CTNNBL1: variants seen among roughly 807,000 people sequenced by gnomAD.
CTNNBL1 encodes the protein beta-catenin-like protein 1.
Under a neutral mutation model 72.7 loss-of-function variants are expected in CTNNBL1, and 31 were observed. The ratio of observed to expected loss-of-function variants is 0.43; its 90% CI spans 0.32 to 0.58. The LOEUF (loss-of-function observed/expected upper bound fraction) is 0.58, where lower values mean the gene tolerates loss of function less well. Ranked by LOEUF, CTNNBL1 falls within the 20% of genes least tolerant of loss-of-function variation. The pLI is 0.08. For missense variants in CTNNBL1, 534 were observed against 725.1 expected, an observed-to-expected ratio of 0.74 and a Z score of 3.03; for synonymous variants, 240 against 267.3, an observed-to-expected ratio of 0.90 and a Z score of 1.00.
At chr20:37,799,870 T>G (rs1053175523) in intron 10 of CTNNBL1, among the ~76,000 whole-genome samples, 1 of 152,180 alleles carries the variant, frequency 6.6e-6, no homozygotes, top group Non-Finnish European at 1.5e-5. Flanking sequence ...CGCTCTCTCT[T>G]TGCCCAGGAT....
At position 37,723,675 on chromosome 20, in the gene CTNNBL1, T is replaced by C. The variant is rs145974616; in HGVS notation, c.31-9204T>C. Among the ~76,000 whole-genome samples, 9 of 152,390 alleles carry C rather than the reference T, an allele frequency of 5.9e-5. No homozygotes were observed. The East Asian group carries it at 1.7e-3, about 29-fold the overall frequency. ...AATATGATGATGATAACACCTTTCA[T>C]TGGTATAGCAATTTATAGTTTACCT... On this transcript the variant is annotated intron_variant, in intron 1 of 15. Coordinates refer to ENST00000361383, the MANE Select transcript of CTNNBL1 (RefSeq NM_030877.5).
intron 15 of CTNNBL1, among the ~76,000 whole-genome samples, chr20:37,871,262 C>T (rs2072581886): frequency 6.6e-6 from 1 of 152,148 alleles, no homozygotes; most frequent in Admixed American, 6.5e-5. Flanking sequence ...AACCACTCAC[C>T]CAGAGCAGTG....
At chr20:37,790,223 A>C (rs2073711652) in intron 10 of CTNNBL1, among the ~76,000 whole-genome samples, 1 of 152,162 alleles carries the variant, frequency 6.6e-6, no homozygotes, top group African/African-American at 2.4e-5. Context: ...AGCCTGGGGA[A>C]CTTTGGATTT....
At chr20:37,809,774 G>A (rs530025263) in intron 11 of CTNNBL1, among the ~76,000 whole-genome samples, 5 of 152,304 alleles carry the variant, frequency 3.3e-5, no homozygotes, top group South Asian at 2.1e-4. Context: ...AAAACAACTT[G>A]ATGAAATTGT....
At chr20:37,786,336 T>TTCCCTTCAGGACAGCAAGTTCCCCCCAGC in intron 10 of CTNNBL1, among the ~76,000 whole-genome samples, 1 of 152,212 alleles carries the variant, frequency 6.6e-6, no homozygotes, top group Admixed American at 6.5e-5. Context: ...GCTTGTGTCC[T>TTCCCTTCAGGACAGCAAGTTCCCCCCAGC]TCCCTTCAGG....
chr20:37,746,176 G>A (rs890225903), intron 3 of CTNNBL1, among the ~76,000 whole-genome samples: 1 of 152,166 alleles, frequency 6.6e-6, no homozygotes, highest in African/African-American at 2.4e-5. Context: ...TAGGACTGGT[G>A]GAAAGATCGT....
intron 11 of CTNNBL1, among the ~76,000 whole-genome samples, chr20:37,807,984 C>T (rs2071974322): frequency 6.6e-6 from 1 of 152,120 alleles, no homozygotes; most frequent in South Asian, 2.1e-4. Flanking sequence ...CAGTTTTCCT[C>T]GTATTGCTTC....
chr20:37,818,062 C>G (rs898899218), intron 11 of CTNNBL1, among the ~76,000 whole-genome samples: 2 of 152,210 alleles, frequency 1.3e-5, no homozygotes, highest in African/African-American at 2.4e-5. Context: ...AAGGAGTTAG[C>G]CCAGAACTGG....
chr20:37,741,822 A>G (rs1156475712), intron 3 of CTNNBL1, among the ~76,000 whole-genome samples: 1 of 152,154 alleles, frequency 6.6e-6, no homozygotes, highest in Admixed American at 6.5e-5. Context: ...TATTTTTGTA[A>G]TATTTCCCTG....
At chr20:37,735,899 A>G (rs1485838863) in intron 2 of CTNNBL1, among the ~76,000 whole-genome samples, 1 of 152,254 alleles carries the variant, frequency 6.6e-6, no homozygotes, top group Non-Finnish European at 1.5e-5. Flanking sequence ...AATGACTACA[A>G]AGCTGTGAAG....
intron 15 of CTNNBL1, among the ~76,000 whole-genome samples, chr20:37,870,356 G>A (rs2072573354): frequency 6.6e-6 from 1 of 152,056 alleles, no homozygotes; most frequent in African/African-American, 2.4e-5. Context: ...AGCTGTCGAA[G>A]TTTGTGTCGG....
intron 13 of CTNNBL1, 82 bp downstream of exon 13, chr20:37,842,501 G>A: frequency 1.1e-6 from 1 of 912,342 alleles, no homozygotes; most frequent in African/African-American, 1.6e-5. Context: ...CACCCCACAG[G>A]ATAGGTAAGG....
At chr20:37,769,608 G>C (rs951295180) in intron 7 of CTNNBL1, among the ~76,000 whole-genome samples, 1 of 152,158 alleles carries the variant, frequency 6.6e-6, no homozygotes. Context: ...TTGTCTAATA[G>C]AGTAAATGAG....
chr20:37,820,246 T>A (rs2072094402), intron 11 of CTNNBL1, among the ~76,000 whole-genome samples: 1 of 152,168 alleles, frequency 6.6e-6, no homozygotes, highest in East Asian at 1.9e-4. Context: ...AATATTTCCT[T>A]CTGTCTGCTT....
chr20:37,707,752 T>G (rs2072899901), intron 1 of CTNNBL1, among the ~76,000 whole-genome samples: 2 of 152,374 alleles, frequency 1.3e-5, no homozygotes, highest in African/African-American at 2.4e-5. Context: ...AGGCCTCGCT[T>G]TCGGCCCATT....
At chr20:37,820,590 C>A (rs1303559416) in intron 11 of CTNNBL1, among the ~76,000 whole-genome samples, 1 of 152,148 alleles carries the variant, frequency 6.6e-6, no homozygotes, top group Non-Finnish European at 1.5e-5. Flanking sequence ...GGGCCAGTTT[C>A]CCCCAATCTC....
intron 3 of CTNNBL1, among the ~76,000 whole-genome samples, chr20:37,742,500 G>A (rs2073225871): frequency 6.6e-6 from 1 of 152,168 alleles, no homozygotes; most frequent in African/African-American, 2.4e-5. Context: ...TTATGAAACT[G>A]TATCTCTCCC....
At chr20:37,711,633 G>T (rs911825978) in intron 1 of CTNNBL1, among the ~76,000 whole-genome samples, 5 of 150,476 alleles carry the variant, frequency 3.3e-5, no homozygotes, top group African/African-American at 1.2e-4. Flanking sequence ...AAAAAAATAG[G>T]CTGATGTAAT....
chr20:37,831,110 G>A (rs2072205432), intron 11 of CTNNBL1, among the ~76,000 whole-genome samples: 1 of 152,174 alleles, frequency 6.6e-6, no homozygotes, highest in African/African-American at 2.4e-5. Context: ...ACATGAAGCT[G>A]CTAGCGCATA....
Sources: gnomAD v4.1 joint callset for allele counts (sites outside exome capture counted in the v4.1 genomes callset) on GRCh38, gnomAD v4.1.1 for gene constraint, MANE v1.5 for transcripts, NCBI Gene and HGNC (gene_info 2026-07-23, HGNC 2026-07-21) for gene names.